SERPINB10: variants seen among roughly 807,000 people sequenced by gnomAD.
SERPINB10 encodes the protein serpin family B member 10.
In SERPINB10, 35 loss-of-function variants were observed where a neutral mutation model predicts 39.1. That is an observed-to-expected ratio of 0.90 (90% CI 0.68 to 1.19). The LOEUF is 1.19. Among genes scored for constraint, SERPINB10 ranks in the 50% most tolerant of loss-of-function variants. The probability of loss-of-function intolerance (pLI) is 0.00; values close to 1 mark genes in which losing one functional copy is unlikely to be tolerated. For synonymous variants in SERPINB10, 190 were observed against 158.1 expected, an observed-to-expected ratio of 1.20 and a Z score of -1.52; for missense variants, 546 against 460.5, an observed-to-expected ratio of 1.19 and a Z score of -1.70.
chr18:63,917,536 T>G lies in SERPINB10; in HGVS notation c.234+15T>G, dbSNP rs201693691. 1.9e-5 allele frequency: 26 copies of G among 1,384,548 alleles called. No individual in the cohort carries two copies. In the East Asian group the frequency reaches 5.6e-4, roughly 30 times the overall value. The allele number at this position is 1,384,548 out of a possible 1,614,324, so 85.8% of individuals were successfully genotyped here. Reference sequence around the variant, plus strand: ...AAAGGAAAATGGTATATCTTATCCTTTAATATATATTTCATAATTAAGGAA... The same window carrying G: ...AAAGGAAAATGGTATATCTTATCCTGTAATATATATTTCATAATTAAGGAA... On this transcript the variant is annotated intron_variant, in intron 3 of 7. Coordinates refer to ENST00000238508, the MANE Select transcript of SERPINB10 (RefSeq NM_005024.3).
intron 5 of SERPINB10, among the ~76,000 whole-genome samples, chr18:63,928,594 C>G (rs916526434): frequency 1.3e-5 from 2 of 151,972 alleles, no homozygotes; most frequent in African/African-American, 4.8e-5. Context: ...ATTTCAGTCC[C>G]CTCGAAATAG....
chr18:63,919,761 A>T (rs752412593), intron 4 of SERPINB10, 27 bp from the exon 5 acceptor site: 1 of 1,464,202 alleles, frequency 6.8e-7, no homozygotes, highest in Non-Finnish European at 9.4e-7. Flanking sequence ...AACTCTACAA[A>T]AGGGGATTTT....
In SERPINB10 at chr18:63,915,538, C is replaced by G. The variant is rs767132814; in HGVS notation, c.28C>G (p.Gln10Glu). MDSLATSIN[Q>E]FALELSKKLA... is the part of the protein sequence containing the mutation. Reference sequence around the variant, plus strand: ...GGACTCTCTAGCAACATCAATCAACCAGTTTGCCCTGGAGTTGAGCAAAAA... The same window carrying G: ...GGACTCTCTAGCAACATCAATCAACGAGTTTGCCCTGGAGTTGAGCAAAAA... Residue 10 changes from glutamine to glutamate, a missense_variant, in exon 2 of 8, where the codon CAG becomes GAG. Coordinates refer to ENST00000238508, the MANE Select transcript of SERPINB10 (RefSeq NM_005024.3). The G allele has an allele frequency of 6.2e-7, 1 of 1,611,996 alleles. No individual in the cohort carries two copies. Among genetic ancestry groups the G allele is most frequent in the Non-Finnish European group, 8.5e-7 (1 of 1,178,752 alleles).
At position 63,934,849 on chromosome 18, in the gene SERPINB10, C is replaced by T. The variant is rs2050249759; in HGVS notation, c.801C>T (p.Ala267=). Residue 267 remains alanine, a synonymous_variant, in exon 8 of 8, where the codon GCC becomes GCT. Coordinates refer to ENST00000238508, the MANE Select transcript of SERPINB10 (RefSeq NM_005024.3). ...DINGLEQLEK[A]ITYEKLNEWT... ...TTCCAAATGGGCAGCTGGAAAAGGC[C>T]ATCACCTATGAGAAGCTGAATGAGT... The T allele has an allele frequency of 6.3e-7, 1 of 1,595,898 alleles. No homozygotes were observed. The highest frequency in any genetic ancestry group is 8.5e-7 in the Non-Finnish European group (1 of 1,172,244).
At chr18:63,921,974 G>C (rs1371363701) in intron 5 of SERPINB10, among the ~76,000 whole-genome samples, 1 of 151,654 alleles carries the variant, frequency 6.6e-6, no homozygotes, top group Non-Finnish European at 1.5e-5. Context: ...GCTTCATTCA[G>C]GCTAAACATC....
At chr18:63,926,268 C>A (rs2050180938) in intron 5 of SERPINB10, among the ~76,000 whole-genome samples, 1 of 151,946 alleles carries the variant, frequency 6.6e-6, no homozygotes, top group African/African-American at 2.4e-5. Flanking sequence ...ATGGCTTCCT[C>A]TTGTTATCTG....
intron 5 of SERPINB10, among the ~76,000 whole-genome samples, chr18:63,922,757 A>T (rs1030440341): frequency 2.0e-5 from 3 of 151,988 alleles, no homozygotes; most frequent in African/African-American, 7.2e-5. Flanking sequence ...TCCTATGATG[A>T]TGGAGACGTG....
At chr18:63,932,149 C>T (rs547870669) in intron 6 of SERPINB10, among the ~76,000 whole-genome samples, 24 of 152,258 alleles carry the variant, frequency 1.6e-4, no homozygotes, top group Middle Eastern at 3.4e-3. Context: ...ATCCATTCAC[C>T]TATTGAAGCA....
At chr18:63,914,121 C>T (rs950549860) in intron 1 of SERPINB10, among the ~76,000 whole-genome samples, 2 of 151,998 alleles carry the variant, frequency 1.3e-5, no homozygotes, top group Middle Eastern at 3.2e-3. Flanking sequence ...GTGTGATAGC[C>T]CTTCCTCCAA....
chr18:63,928,047 T>C (rs559422788), intron 5 of SERPINB10, among the ~76,000 whole-genome samples: 2 of 151,962 alleles, frequency 1.3e-5, no homozygotes, highest in African/African-American at 4.8e-5. Flanking sequence ...CACTTGAGAG[T>C]TGTACAATTT....
intron 5 of SERPINB10, among the ~76,000 whole-genome samples, chr18:63,925,810 G>A (rs577350574): frequency 8.4e-4 from 127 of 151,968 alleles, no homozygotes; most frequent in African/African-American, 2.9e-3. Flanking sequence ...AAAATTAGTG[G>A]ACAAAAGCCT....
chr18:63,929,045 T>C (rs2050200572), intron 5 of SERPINB10, among the ~76,000 whole-genome samples: 1 of 152,200 alleles, frequency 6.6e-6, no homozygotes, highest in African/African-American at 2.4e-5. Context: ...TTTAGTATGA[T>C]TATGGATGAA....
At chr18:63,923,485 A>G (rs1200695958) in intron 5 of SERPINB10, among the ~76,000 whole-genome samples, 1 of 151,926 alleles carries the variant, frequency 6.6e-6, no homozygotes, top group Non-Finnish European at 1.5e-5. Context: ...TTTAGATAGT[A>G]GCATCCAGCA....
At position 63,915,880 on chromosome 18, in the gene SERPINB10, C is replaced by A. The variant is rs370725205; in HGVS notation, c.168+202C>A. Reference sequence around the variant, plus strand: ...ATTTGCAAACTGTTGCTAGGAAAACCATTTGAGAACCTGTGTCCTTTAGCA... The same window carrying A: ...ATTTGCAAACTGTTGCTAGGAAAACAATTTGAGAACCTGTGTCCTTTAGCA... On this transcript the variant is annotated intron_variant, in intron 2 of 7. Transcript: ENST00000238508. Among the ~76,000 whole-genome samples the A allele has an allele frequency of 4.6e-5, 7 of 152,082 alleles. No homozygotes were observed. In the South Asian group the frequency reaches 8.3e-4, roughly 18 times the overall value.
chr18:63,928,097 T>A (rs73480035), intron 5 of SERPINB10, among the ~76,000 whole-genome samples: 88 of 152,158 alleles, frequency 5.8e-4, no homozygotes, highest in African/African-American at 2.0e-3. Context: ...TTCTACTATT[T>A]CTTGAGATTC....
rs947624049 is a variant in SERPINB10 at position 63,936,089 on chromosome 18, A to C, written c.*847A>C. The C allele has an allele frequency of 2.6e-5, 4 of 152,170 alleles. No individual in the cohort carries two copies. The highest frequency in any genetic ancestry group is 7.2e-5 in the African/African-American group (3 of 41,418). The allele number at this position is 152,170 out of a possible 1,614,324, so 9.4% of individuals were successfully genotyped here. On this transcript the variant is annotated 3_prime_UTR_variant, in exon 8 of 8. Transcript: ENST00000238508. ...CTTCTGCCAATCTAAAATTATTCCA[A>C]AATAAAAGTTTTATTAAAAATAGTC...
intron 5 of SERPINB10, among the ~76,000 whole-genome samples, chr18:63,922,806 C>T (rs2050155529): frequency 6.6e-6 from 1 of 151,878 alleles, no homozygotes; most frequent in Admixed American, 6.6e-5. Flanking sequence ...GCTTCTATTC[C>T]CATGTGAACA....
chr18:63,920,427 A>T (rs553662147), intron 5 of SERPINB10, among the ~76,000 whole-genome samples: 2 of 152,000 alleles, frequency 1.3e-5, no homozygotes, highest in Non-Finnish European at 2.9e-5. Flanking sequence ...GTAGTTAGGC[A>T]TCCTGGCTTA....
At position 63,930,147 on chromosome 18, in the gene SERPINB10, T is replaced by C; in HGVS notation, c.593T>C (p.Leu198Ser). The C allele has an allele frequency of 1.4e-5, 23 of 1,613,554 alleles. No homozygotes were observed. The highest frequency in any genetic ancestry group is 1.9e-5 in the Non-Finnish European group (23 of 1,179,640). ...YFKGIWEHQF[L>S]VQNTTEKPFR... is the part of the protein sequence containing the mutation. ...AAAGGAATCTGGGAACATCAATTCT[T>C]AGTGCAAAACACCACAGAAAAGCCT... Residue 198 changes from leucine (L) to serine (S), a missense_variant, in exon 6 of 8, where the codon TTA becomes TCA. Physicochemically the swap from Leu to Ser is moderately radical, Grantham distance 145. Transcript: ENST00000238508.
Sources: gnomAD v4.1 joint callset for allele counts (sites outside exome capture counted in the v4.1 genomes callset) on GRCh38, gnomAD v4.1.1 for gene constraint, MANE v1.5 for transcripts, NCBI Gene and HGNC (gene_info 2026-07-23, HGNC 2026-07-21) for gene names.